Variants in MADD observed in about 807,000 individuals in gnomAD.
MADD encodes the protein MAP kinase-activating death domain protein.
In MADD, 109 loss-of-function variants were observed where a neutral mutation model predicts 176.7. The observed-to-expected ratio is 0.62, with a 90% CI of 0.53 to 0.72. The LOEUF is 0.72. MADD is among the 30% of genes least tolerant of loss of function. The pLI, the probability that MADD is intolerant of heterozygous loss-of-function variation, is 0.00. For synonymous variants in MADD, 771 were observed against 771.3 expected, an observed-to-expected ratio of 1.00 and a Z score of 0.01; for missense variants, 1,914 against 2,045.5, an observed-to-expected ratio of 0.94 and a Z score of 1.24.
chr11:47,273,935 C>T, exon 2 of MADD: 2 of 1,614,112 alleles, frequency 1.2e-6, no homozygotes, highest in Non-Finnish European at 1.7e-6. Context: ...AGAAGAAGTT[C>T]TGTCCTCGGT....
chr11:47,326,473 G>T, intron 30 of MADD, 71 bp from the exon 34 acceptor site: 2 of 1,253,456 alleles, frequency 1.6e-6, no homozygotes, highest in Non-Finnish European at 2.0e-6. Context: ...CCAGCAGCAG[G>T]GCCTTCGGGT....
intron 21 of MADD, 109 bp downstream of exon 23, chr11:47,295,688 T>C: frequency 6.4e-7 from 1 of 1,570,476 alleles, no homozygotes; most frequent in Non-Finnish European, 8.6e-7. Context: ...GTCAGCATGG[T>C]TCTCATGGTG....
intron 15 of MADD, 69 bp downstream of exon 15, chr11:47,286,603 A>G (rs902070685): frequency 1.7e-6 from 2 of 1,201,208 alleles, no homozygotes; most frequent in African/African-American, 3.0e-5. Flanking sequence ...GGTTCATGTC[A>G]GGAGCCCTGC....
chr11:47,312,967 C>T (rs755306840), intron 26 of MADD, among the ~76,000 whole-genome samples: 1 of 152,154 alleles, frequency 6.6e-6, no homozygotes, highest in Non-Finnish European at 1.5e-5. Context: ...TGAACTTAAT[C>T]GCTTTGTTCA....
rs1281352679 is a variant in MADD at position 47,278,572 on chromosome 11, G to A, written c.1209+294G>A. On this transcript the variant is annotated intron_variant, in intron 6 of 32. Coordinates refer to ENST00000402192, the Ensembl canonical transcript of MADD. ...TTGTGATCTGAGGGCCATTACATGT[G>A]GTATAGATCATCTCTTAATGGTTTC... 2.0e-5 allele frequency among the ~76,000 whole-genome samples: 3 copies of A among 151,238 alleles called. No homozygotes were observed. In the East Asian group the frequency reaches 5.8e-4, roughly 29 times the overall value.
intron 27 of MADD, among the ~76,000 whole-genome samples, 158 bp downstream of exon 30, chr11:47,315,485 GT>G (rs2092500221): frequency 6.6e-6 from 1 of 152,026 alleles, no homozygotes; most frequent in Non-Finnish European, 1.5e-5. Flanking sequence ...TTGCGTGTGT[GT>G]TTTTTTGAGA....
At chr11:47,327,129 TGG>T in intron 31 of MADD, 1 of 1,074,378 alleles carries the variant, frequency 9.3e-7, no homozygotes, top group South Asian at 3.5e-5. Context: ...CACAGCAGAC[TGG>T]CGACCCCCAA....
exon 5 of MADD, chr11:47,276,801 C>A: frequency 6.2e-7 from 1 of 1,614,114 alleles, no homozygotes; most frequent in Non-Finnish European, 8.5e-7. Flanking sequence ...AATGATCTAC[C>A]CACTGGAGTA....
At chr11:47,306,671 G>C (rs534146248) in intron 22 of MADD, among the ~76,000 whole-genome samples, 1 of 152,186 alleles carries the variant, frequency 6.6e-6, no homozygotes, top group East Asian at 1.9e-4. Flanking sequence ...ATTGCCATCT[G>C]TTCTCTATGT....
Position 47,315,436 on chromosome 11 carries a change from C to T in MADD, c.4197+109C>T, listed in dbSNP as rs574049161. 9.6e-6 allele frequency: 6 copies of T among 623,306 alleles called. No individual in the cohort carries two copies. The African/African-American group carries it at 1.1e-4, about 12-fold the overall frequency. The allele number at this position is 623,306 out of a possible 1,614,324, so 38.6% of individuals were successfully genotyped here. A position where few individuals can be genotyped will look rare whatever the true frequency, so the allele number is the denominator to read the frequency against. On this transcript the variant is annotated intron_variant, in intron 27 of 32. Coordinates refer to ENST00000402192, the Ensembl canonical transcript of MADD. The stretch of plus-strand genomic sequence containing the variant: ...CATTTATCTCATTCATCTTCATGAT[C>T]TATTTATCATTAAATTATCAGATTG...
chr11:47,278,862 T>G (rs2053299668), intron 6 of MADD, 137 bp from the exon 7 acceptor site: 1 of 636,868 alleles, frequency 1.6e-6, no homozygotes, highest in Non-Finnish European at 2.8e-6. Flanking sequence ...TGTACATATA[T>G]CTTACTGTGC....
intron 7 of MADD, among the ~76,000 whole-genome samples, chr11:47,280,188 C>T (rs914074448): frequency 3.9e-5 from 6 of 152,218 alleles, no homozygotes; most frequent in Non-Finnish European, 7.3e-5. Flanking sequence ...GACAAAGCTT[C>T]ATTCCCTTCC....
At chr11:47,302,327 C>T (rs2078457937) in intron 22 of MADD, among the ~76,000 whole-genome samples, 1 of 152,150 alleles carries the variant, frequency 6.6e-6, no homozygotes, top group Non-Finnish European at 1.5e-5. Flanking sequence ...GATTCTCCTG[C>T]CTCAGCCTCC....
rs2093251490 is a variant in MADD, at chr11:47,316,944, A to G, written c.4197+1617A>G. ...TTTTTAGTAGAGACGGGGCTTCACC[A>G]TATTGGCCAGGCTGGTCTCAAACTC... On this transcript the variant is annotated intron_variant, in intron 27 of 32. Transcript: ENST00000402192. 2.0e-5 allele frequency among the ~76,000 whole-genome samples: 3 copies of G among 151,992 alleles called. No homozygotes were observed. The South Asian group carries it at 6.2e-4, about 32-fold the overall frequency.
At chr11:47,309,248 A>C in intron 23 of MADD, 33 bp from the exon 27 acceptor site, 1 of 1,600,576 alleles carries the variant, frequency 6.2e-7, no homozygotes, top group South Asian at 1.1e-5. Flanking sequence ...TAAATGTTAA[A>C]TAGGCCCCCT....
chr11:47,279,150 C>T, intron 7 of MADD, 71 bp downstream of exon 7: 2 of 1,429,122 alleles, frequency 1.4e-6, no homozygotes, highest in Non-Finnish European at 1.9e-6. Context: ...GACAGCTATT[C>T]TCAGAGCCAA....
chr11:47,325,623 G>T lies in MADD; in HGVS notation c.4542+1046G>T, dbSNP rs1250062231. ...GTATATTTTCAATTTAGGACTTAGGGCAGTAGCCAACCCCAAAGACCTTAG... is the reference window on the plus strand; with the variant it reads ...GTATATTTTCAATTTAGGACTTAGGTCAGTAGCCAACCCCAAAGACCTTAG... On this transcript the variant is annotated intron_variant, in intron 30 of 32. Coordinates refer to ENST00000402192, the Ensembl canonical transcript of MADD. This position sits in a 1 kb window ranked among gnomAD's most constrained non-coding sequence, Gnocchi z 4.5. Among the ~76,000 whole-genome samples the T allele has an allele frequency of 6.6e-6, 1 of 152,236 alleles. No homozygotes were observed. Among genetic ancestry groups the T allele is most frequent in the Non-Finnish European group, 1.5e-5 (1 of 68,048 alleles).
intron 15 of MADD, 67 bp from the exon 16 acceptor site, chr11:47,288,901 C>A: frequency 8.8e-7 from 1 of 1,133,930 alleles, no homozygotes; most frequent in Non-Finnish European, 1.3e-6. Flanking sequence ...TGGCTTACTG[C>A]TCCTCGGAGG....
At chr11:47,305,606 G>A (rs1286032377) in intron 22 of MADD, among the ~76,000 whole-genome samples, 1 of 152,118 alleles carries the variant, frequency 6.6e-6, no homozygotes, top group African/African-American at 2.4e-5. Flanking sequence ...CCAGGATGGT[G>A]GGGCTTGGCT....
Sources: gnomAD v4.1 joint callset for allele counts (sites outside exome capture counted in the v4.1 genomes callset) on GRCh38, gnomAD v4.1.1 for gene constraint, Gnocchi (gnomAD v3.1) non-coding constraint, MANE v1.5 for transcripts, NCBI Gene and HGNC (gene_info 2026-07-23, HGNC 2026-07-21) for gene names.